The following IGSF3 variants were observed in gnomAD, a reference collection of about 807,000 sequenced individuals.
IGSF3 encodes the protein glu-Trp-Ile EWI motif-containing protein 3.
Under a neutral mutation model 114.4 loss-of-function variants are expected in IGSF3, and 23 were observed. The ratio of observed to expected loss-of-function variants is 0.20; its 90% CI spans 0.14 to 0.28. IGSF3 has a LOEUF of 0.28. Ranked by LOEUF, IGSF3 falls within the 10% of genes least tolerant of loss-of-function variation. The pLI, the probability that IGSF3 is intolerant of heterozygous loss-of-function variation, is 1.00. For missense variants in IGSF3, 1,172 were observed against 1,591.5 expected (o/e 0.74, Z 4.48); for synonymous variants, 571 against 645.2 (o/e 0.88, Z 1.74).
chr1:116,666,147 C>T, intron 2 of IGSF3, 137 bp downstream of exon 2: 1 of 808,598 alleles, frequency 1.2e-6, no homozygotes, highest in African/African-American at 1.7e-5. Context: ...TACTCTACTC[C>T]AACCTGTGAC....
rs950767287 is a variant in IGSF3, at chr1:116,592,252, G to A, written c.2030-3148C>T. ...CCTGGACTTGGCCGTGTGAGTGAAT[G>A]GGCTTTGAGAGGCCATAAATGCAGA... On this transcript the variant is annotated intron_variant, in intron 7 of 10. Transcript: ENST00000369486. The surrounding 1 kb of genome is among the most constrained non-coding windows in gnomAD (Gnocchi z 4.5). Among the ~76,000 whole-genome samples the A allele has an allele frequency of 6.6e-6, 1 of 152,212 alleles. No homozygotes were observed. Among genetic ancestry groups the A allele is most frequent in the Non-Finnish European group, 1.5e-5 (1 of 68,046 alleles).
rs560800286 is a variant in IGSF3, at chr1:116,644,421, G to A, written c.43+21863C>T. Among the ~76,000 whole-genome samples the A allele has an allele frequency of 1.3e-5, 2 of 152,356 alleles. No homozygotes were observed. Among genetic ancestry groups the A allele is most frequent in the East Asian group, 3.9e-4 (2 of 5,180 alleles). On this transcript the variant is annotated intron_variant, in intron 2 of 10. Coordinates refer to ENST00000369486, the MANE Select transcript of IGSF3 (RefSeq NM_001007237.3). The surrounding 1 kb of genome is among the most constrained non-coding windows in gnomAD (Gnocchi z 5.6). ...CACAGCAGGAATTCAGCCTCTGGCA[G>A]CCGTGATGATGCTGAGGCAGTGTCC...
chr1:116,652,484 A>G (rs1648673699), intron 2 of IGSF3, among the ~76,000 whole-genome samples: 1 of 152,220 alleles, frequency 6.6e-6, no homozygotes, highest in Non-Finnish European at 1.5e-5. Context: ...TTGAACCATT[A>G]TATTAAGAGA....
chr1:116,584,572 T>A lies in IGSF3; in HGVS notation c.2848+73A>T. On this transcript the variant is annotated intron_variant, in intron 9 of 10. Transcript: ENST00000369486. The surrounding 1 kb of genome is among the most constrained non-coding windows in gnomAD (Gnocchi z 5.8). ...ATAATTTATTAATAAACTAATTTTA[T>A]CCAGTGCATAAAACAGTATACTTAA... 7.2e-7 allele frequency: 1 copy of A among 1,383,958 alleles called. No individual in the cohort carries two copies. The allele number at this position is 1,383,958 out of a possible 1,614,324, so 85.7% of individuals were successfully genotyped here.
rs1649148403 is a variant in IGSF3, at chr1:116,662,204, G to A, written c.43+4080C>T. Among the ~76,000 whole-genome samples, 1 of 151,964 alleles carries A rather than the reference G, an allele frequency of 6.6e-6. No individual in the cohort carries two copies. The highest frequency in any genetic ancestry group is 1.5e-5 in the Non-Finnish European group (1 of 68,018). ...TCCTGCCTCAGCCTCCCGAGTAGCT[G>A]GGATTACAGGAATGTGCCACCATGC... On this transcript the variant is annotated intron_variant, in intron 2 of 10. Transcript: ENST00000369486. This position sits in a 1 kb window ranked among gnomAD's most constrained non-coding sequence, Gnocchi z 4.3.
At chr1:116,608,881 T>C (rs1306676282) in intron 4 of IGSF3, among the ~76,000 whole-genome samples, 1 of 152,094 alleles carries the variant, frequency 6.6e-6, no homozygotes, top group Non-Finnish European at 1.5e-5. Flanking sequence ...ATGTGAATAC[T>C]AGAAATAAGA....
In IGSF3 at chr1:116,616,559, T is replaced by G; in HGVS notation, c.44-102A>C. On this transcript the variant is annotated intron_variant, in intron 2 of 10. Transcript: ENST00000369486. The surrounding 1 kb of genome is among the most constrained non-coding windows in gnomAD (Gnocchi z 6.6). ...AGGGTTTGTTATTTGTGTGACATGATAATAATATAAACAGCTTACTGGCCC... is the reference window on the plus strand; with the variant it reads ...AGGGTTTGTTATTTGTGTGACATGAGAATAATATAAACAGCTTACTGGCCC... 9.8e-7 allele frequency: 1 copy of G among 1,021,148 alleles called. No individual in the cohort carries two copies. The highest frequency in any genetic ancestry group is 1.4e-6 in the Non-Finnish European group (1 of 697,238). The allele number at this position is 1,021,148 out of a possible 1,614,324, so 63.3% of individuals were successfully genotyped here.
Position 116,612,526 on chromosome 1 carries a change from T to C in IGSF3, c.832+1239A>G, listed in dbSNP as rs187241451. On this transcript the variant is annotated intron_variant, in intron 4 of 10. Transcript: ENST00000369486. The surrounding 1 kb of genome is among the most constrained non-coding windows in gnomAD (Gnocchi z 4.1). The stretch of plus-strand genomic sequence containing the variant: ...TTCTGGGACGAAGCCCCAAAATGTA[T>C]ACTGTTAGCTGAGTCTGAAGCATTA... Among the ~76,000 whole-genome samples, 5 of 152,270 alleles carry C rather than the reference T, an allele frequency of 3.3e-5. No individual in the cohort carries two copies. The highest frequency in any genetic ancestry group is 3.3e-4 in the Admixed American group (5 of 15,292).
Position 116,642,392 on chromosome 1 carries a change from T to C in IGSF3, c.43+23892A>G, listed in dbSNP as rs1648147629. 6.6e-6 allele frequency among the ~76,000 whole-genome samples: 1 copy of C among 152,126 alleles called. No homozygotes were observed. The highest frequency in any genetic ancestry group is 1.5e-5 in the Non-Finnish European group (1 of 68,022). ...AATAACATTAGAATTCTGGATGCCT[T>C]CCAGCAGCTGGAACAGGGCAGACCT... On this transcript the variant is annotated intron_variant, in intron 2 of 10. Coordinates refer to ENST00000369486, the MANE Select transcript of IGSF3 (RefSeq NM_001007237.3). The surrounding 1 kb of genome is among the most constrained non-coding windows in gnomAD (Gnocchi z 5.4).
chr1:116,585,162 C>T lies in IGSF3; in HGVS notation c.2441-110G>A. On this transcript the variant is annotated intron_variant, in intron 8 of 10. Transcript: ENST00000369486. The surrounding 1 kb of genome is among the most constrained non-coding windows in gnomAD (Gnocchi z 4.9). ...CCTTCCAAATACAGAAGGACGGCAG[C>T]ACACACTCCATTAGGAGAAACGTTT... The T allele has an allele frequency of 1.3e-6, 1 of 757,916 alleles. No individual in the cohort carries two copies. The highest frequency in any genetic ancestry group is 2.1e-6 in the Non-Finnish European group (1 of 477,368). 46.9% of individuals were successfully genotyped at this position (757,916 alleles called of 1,614,324 possible). A position where few individuals can be genotyped will look rare whatever the true frequency, so the allele number is the denominator to read the frequency against.
intron 4 of IGSF3, among the ~76,000 whole-genome samples, chr1:116,611,553 C>T (rs1408861480): frequency 6.6e-6 from 1 of 151,996 alleles, no homozygotes; most frequent in African/African-American, 2.4e-5. Flanking sequence ...CCTCTCTCAT[C>T]ACACACATCT....
Position 116,625,108 on chromosome 1 carries a change from G to T in IGSF3, c.44-8651C>A, listed in dbSNP as rs1245493178. On this transcript the variant is annotated intron_variant, in intron 2 of 10. Coordinates refer to ENST00000369486, the MANE Select transcript of IGSF3 (RefSeq NM_001007237.3). This position sits in a 1 kb window ranked among gnomAD's most constrained non-coding sequence, Gnocchi z 4.7. Reference sequence around the variant, plus strand: ...CATTTGTTACATAGAAAGGTAACAAGAACATATGCTATGGCTTCAATCAAC... The same window carrying T: ...CATTTGTTACATAGAAAGGTAACAATAACATATGCTATGGCTTCAATCAAC... Among the ~76,000 whole-genome samples the T allele has an allele frequency of 6.6e-6, 1 of 152,232 alleles. No individual in the cohort carries two copies. The highest frequency in any genetic ancestry group is 1.5e-5 in the Non-Finnish European group (1 of 68,040).
In IGSF3 at chr1:116,661,586, G is replaced by A. The variant is rs920148450; in HGVS notation, c.43+4698C>T. 2.0e-5 allele frequency among the ~76,000 whole-genome samples: 3 copies of A among 152,214 alleles called. No individual in the cohort carries two copies. The highest frequency in any genetic ancestry group is 7.2e-5 in the African/African-American group (3 of 41,446). ...CTAACAAGCCTTCTTAGAAGCCAGAGGCTCGGCTTCAGAGTCAAACGGAAT... is the reference window on the plus strand; with the variant it reads ...CTAACAAGCCTTCTTAGAAGCCAGAAGCTCGGCTTCAGAGTCAAACGGAAT... On this transcript the variant is annotated intron_variant, in intron 2 of 10. Transcript: ENST00000369486. This position sits in a 1 kb window ranked among gnomAD's most constrained non-coding sequence, Gnocchi z 4.0.
intron 6 of IGSF3, among the ~76,000 whole-genome samples, chr1:116,602,651 T>C (rs1483238650): frequency 5.9e-5 from 9 of 152,256 alleles, no homozygotes; most frequent in Admixed American, 5.2e-4. Context: ...CCATCTTTAC[T>C]GGAAGTATCC....
intron 10 of IGSF3, among the ~76,000 whole-genome samples, chr1:116,578,154 C>T (rs1158008050): frequency 6.6e-6 from 1 of 152,176 alleles, no homozygotes; most frequent in Non-Finnish European, 1.5e-5. Flanking sequence ...AAACCAGGCG[C>T]CCCAAGACAG....
chr1:116,597,564 G>C (rs1660391776), intron 7 of IGSF3, among the ~76,000 whole-genome samples: 1 of 152,258 alleles, frequency 6.6e-6, no homozygotes, highest in South Asian at 2.1e-4. Context: ...CCTTTAAGTA[G>C]AGGCCTCTTA....
intron 5 of IGSF3, among the ~76,000 whole-genome samples, chr1:116,606,325 A>G (rs1343376199): frequency 6.6e-6 from 1 of 152,254 alleles, no homozygotes; most frequent in Non-Finnish European, 1.5e-5. Context: ...TTCTTCATTC[A>G]TTAGATGGAT....
rs1648568578 is a variant in IGSF3 at position 116,650,126 on chromosome 1, A to G, written c.43+16158T>C. Among the ~76,000 whole-genome samples, 2 of 152,226 alleles carry G rather than the reference A, an allele frequency of 1.3e-5. No individual in the cohort carries two copies. The highest frequency in any genetic ancestry group is 1.3e-4 in the Admixed American group (2 of 15,278). On this transcript the variant is annotated intron_variant, in intron 2 of 10. Coordinates refer to ENST00000369486, the MANE Select transcript of IGSF3 (RefSeq NM_001007237.3). The surrounding 1 kb of genome is among the most constrained non-coding windows in gnomAD (Gnocchi z 5.0). ...TTGATGATAATCTGAATGGTACAAG[A>G]AGAAATCCTGTTTCATGCTCCTTTG... is the stretch of plus-strand genomic sequence containing the variant.
Position 116,579,660 on chromosome 1 carries a change from G to GTCCTCC in IGSF3, c.3065_3066insGGAGGA (p.Asp1021_Asp1022insGluGlu). The GTCCTCC allele has an allele frequency of 6.3e-7, 1 of 1,596,212 alleles. No homozygotes were observed. The highest frequency in any genetic ancestry group is 8.6e-7 in the Non-Finnish European group (1 of 1,169,160). On this transcript the variant is annotated inframe_insertion, in exon 10 of 11. Transcript: ENST00000369486. The surrounding 1 kb of genome is among the most constrained non-coding windows in gnomAD (Gnocchi z 6.4). Reference sequence around the variant, plus strand: ...TCCGCTCTGTTGGGTCGTCGTCGTCGTCGTCGTCCTCCTCCTCCTCCTCCT... The same window carrying GTCCTCC: ...TCCGCTCTGTTGGGTCGTCGTCGTCGTCCTCCTCGTCGTCCTCCTCCTCCTCCTCCT...
Sources: gnomAD v4.1 joint callset for allele counts (sites outside exome capture counted in the v4.1 genomes callset) on GRCh38, gnomAD v4.1.1 for gene constraint, Gnocchi (gnomAD v3.1) non-coding constraint, MANE v1.5 for transcripts, NCBI Gene and HGNC (gene_info 2026-07-23, HGNC 2026-07-21) for gene names.